CSMD1: variants seen among roughly 807,000 people sequenced by gnomAD.
The protein encoded by CSMD1 is CUB and Sushi multiple domains 1, also known as CUB and sushi domain-containing protein 1.
CSMD1 carries 213 observed loss-of-function variants against 417.5 expected under a neutral mutation model. The observed-to-expected ratio is 0.51, with a 90% confidence interval of 0.46 to 0.57. CSMD1 has a LOEUF of 0.57. Among genes scored for constraint, CSMD1 ranks in the 20% least tolerant of loss-of-function variants. The pLI is 0.00. For missense variants in CSMD1, 6,923 were observed against 4,529.7 expected, an observed-to-expected ratio of 1.53 and a Z score of -15.17; for synonymous variants, 2,862 against 1,736.8, an observed-to-expected ratio of 1.65 and a Z score of -16.11.
In CSMD1 at chr8:4,526,395, A is replaced by G. The variant is rs184458777; in HGVS notation, c.303-106330T>C. Among the ~76,000 whole-genome samples the G allele has an allele frequency of 4.8e-3, 734 of 152,364 alleles. 9 individuals carry two copies. Among genetic ancestry groups the G allele is most frequent in the African/African-American group, 0.017 (697 of 41,602 alleles). On this transcript the variant is annotated intron_variant, in intron 2 of 69. Transcript: ENST00000635120. ...GGTCTCCTCCTTCAACAAGAATTGC[A>G]TCTTACTTATGTATGCCCAAGGGCA...
intron 1 of CSMD1, among the ~76,000 whole-genome samples, chr8:4,885,528 T>A (rs992879718): frequency 6.6e-6 from 1 of 152,052 alleles, no homozygotes; most frequent in African/African-American, 2.4e-5. Context: ...TTTGTTGATT[T>A]TATTATGAGG....
intron 2 of CSMD1, among the ~76,000 whole-genome samples, chr8:4,632,907 C>T (rs890612717): frequency 6.6e-6 from 1 of 152,272 alleles, no homozygotes; most frequent in Admixed American, 6.5e-5. Context: ...CAAGGAGTAA[C>T]CCACAGATCT....
At chr8:3,543,060 A>G (rs1181776072) in intron 10 of CSMD1, among the ~76,000 whole-genome samples, 1 of 152,156 alleles carries the variant, frequency 6.6e-6, no homozygotes, top group African/African-American at 2.4e-5. Context: ...GGGCTCAGAC[A>G]AGTTGACAAC....
chr8:3,814,469 C>A (rs1372153754), intron 5 of CSMD1, among the ~76,000 whole-genome samples: 3 of 152,172 alleles, frequency 2.0e-5, no homozygotes, highest in Non-Finnish European at 4.4e-5. Flanking sequence ...GATTTGCACA[C>A]TCCATAGCTT....
chr8:3,798,194 G>A (rs927788347), intron 5 of CSMD1, among the ~76,000 whole-genome samples: 27 of 151,902 alleles, frequency 1.8e-4, no homozygotes, highest in South Asian at 4.2e-4. Context: ...AACATTTTCC[G>A]CTACAGAGTT....
chr8:3,303,701 T>C (rs1804591334), intron 25 of CSMD1, among the ~76,000 whole-genome samples: 1 of 152,144 alleles, frequency 6.6e-6, no homozygotes, highest in Admixed American at 6.6e-5. Flanking sequence ...GCTGAAGAAG[T>C]TTATAATGCT....
intron 3 of CSMD1, among the ~76,000 whole-genome samples, chr8:4,413,326 G>T (rs529733345): frequency 6.6e-6 from 1 of 152,094 alleles, no homozygotes; most frequent in South Asian, 2.1e-4. Context: ...ACGCTCGTGG[G>T]GCTGCCCAAA....
chr8:4,216,137 G>A (rs960252092), intron 3 of CSMD1, among the ~76,000 whole-genome samples: 1 of 151,994 alleles, frequency 6.6e-6, no homozygotes, highest in Non-Finnish European at 1.5e-5. Context: ...CCTTTTTTAT[G>A]TAATCCCATT....
intron 3 of CSMD1, among the ~76,000 whole-genome samples, chr8:4,253,390 C>A (rs945197987): frequency 1.3e-5 from 2 of 151,460 alleles, no homozygotes; most frequent in African/African-American, 4.9e-5. Flanking sequence ...TTCATTGAGT[C>A]CATAATCTCA....
intron 5 of CSMD1, among the ~76,000 whole-genome samples, chr8:3,804,480 T>C (rs182925347): frequency 1.3e-5 from 2 of 152,214 alleles, no homozygotes; most frequent in African/African-American, 2.4e-5. Flanking sequence ...TATGGAATAA[T>C]GGATTTGATC....
intron 3 of CSMD1, among the ~76,000 whole-genome samples, chr8:4,258,640 A>T (rs975010301): frequency 1.3e-5 from 2 of 151,260 alleles, no homozygotes; most frequent in African/African-American, 4.9e-5. Context: ...TGAGGGCCCC[A>T]CCTACCCTCA....
chr8:3,185,339 T>C (rs1821680353), intron 36 of CSMD1, among the ~76,000 whole-genome samples: 1 of 152,238 alleles, frequency 6.6e-6, no homozygotes, highest in African/African-American at 2.4e-5. Flanking sequence ...TTTTCATGCA[T>C]ACAGAGGCAA....
intron 7 of CSMD1, among the ~76,000 whole-genome samples, chr8:3,673,491 C>G (rs187216911): frequency 6.6e-5 from 10 of 152,324 alleles, no homozygotes; most frequent in East Asian, 1.9e-4. Flanking sequence ...ACAACCTACT[C>G]AACTGTGATG....
intron 3 of CSMD1, among the ~76,000 whole-genome samples, chr8:4,253,533 G>T (rs112261775): frequency 6.6e-6 from 1 of 152,126 alleles, no homozygotes; most frequent in African/African-American, 2.4e-5. Flanking sequence ...AGAAGAAAAG[G>T]ATGATGTTAT....
rs116078926 is a variant in CSMD1, at chr8:4,163,219, G to T, written c.416-131120C>A. On this transcript the variant is annotated intron_variant, in intron 3 of 69. Transcript: ENST00000635120. The stretch of plus-strand genomic sequence containing the variant: ...TCCCTTGGCAGGTTTTTCAGTACAC[G>T]TAAGTTTTTAGCTCCTTCAGATAAA... 5.7e-3 allele frequency among the ~76,000 whole-genome samples: 865 copies of T among 152,220 alleles called. 14 individuals are homozygous for T. The highest frequency in any genetic ancestry group is 0.02 in the African/African-American group (821 of 41,542).
intron 23 of CSMD1, among the ~76,000 whole-genome samples, chr8:3,315,455 T>TGC (rs1563263806): frequency 2.0e-5 from 3 of 151,776 alleles, no homozygotes; most frequent in Admixed American, 2.0e-4. Context: ...TGTGTGTGTG[T>TGC]GTGTGTGATT....
chr8:4,024,577 A>G (rs1340009313), intron 4 of CSMD1, among the ~76,000 whole-genome samples: 1 of 152,182 alleles, frequency 6.6e-6, no homozygotes, highest in Non-Finnish European at 1.5e-5. Flanking sequence ...CCCTTATTAC[A>G]GAAATAATCA....
At chr8:4,598,959 A>G (rs1203232508) in intron 2 of CSMD1, among the ~76,000 whole-genome samples, 1 of 152,204 alleles carries the variant, frequency 6.6e-6, no homozygotes, top group Admixed American at 6.5e-5. Flanking sequence ...CAAATGTTAA[A>G]CCAATTGTTA....
At chr8:3,955,638 A>G (rs1044064230) in intron 5 of CSMD1, among the ~76,000 whole-genome samples, 1 of 152,116 alleles carries the variant, frequency 6.6e-6, no homozygotes, top group Non-Finnish European at 1.5e-5. Context: ...TAAATACCTC[A>G]CTACTTCCTC....
Sources: gnomAD v4.1 joint callset for allele counts (sites outside exome capture counted in the v4.1 genomes callset) on GRCh38, gnomAD v4.1.1 for gene constraint, MANE v1.5 for transcripts, NCBI Gene and HGNC (gene_info 2026-07-23, HGNC 2026-07-21) for gene names.